HS6ST3: variants seen among roughly 807,000 people sequenced by gnomAD.
HS6ST3 encodes heparan sulfate 6-O-sulfotransferase 3, also known as heparan-sulfate 6-O-sulfotransferase 3.
HS6ST3 carries 12 observed loss-of-function variants against 36.7 expected under a neutral mutation model. That is an observed-to-expected ratio of 0.33 (90% CI 0.21 to 0.53). The LOEUF (loss-of-function observed/expected upper bound fraction) is 0.53. Among genes scored for constraint, HS6ST3 ranks in the 20% least tolerant of loss-of-function variants. The pLI is 0.95. For missense variants in HS6ST3, 584 were observed against 640.9 expected (o/e 0.91, Z 0.96); for synonymous variants, 240 against 257.5 (o/e 0.93, Z 0.65).
intron 1 of HS6ST3, among the ~76,000 whole-genome samples, chr13:96,277,802 T>C (rs1372594062): frequency 6.6e-6 from 1 of 152,150 alleles, no homozygotes; most frequent in African/African-American, 2.4e-5. Context: ...AATGAACAAA[T>C]TATTTTCTAT....
chr13:96,348,157 G>A (rs1361861171), intron 1 of HS6ST3, among the ~76,000 whole-genome samples: 2 of 152,198 alleles, frequency 1.3e-5, no homozygotes, highest in East Asian at 3.9e-4. Context: ...AAGAAAGAAA[G>A]CTAAGACTTT....
intron 1 of HS6ST3, among the ~76,000 whole-genome samples, chr13:96,818,076 A>G (rs1878459468): frequency 2.0e-5 from 3 of 152,036 alleles, no homozygotes; most frequent in Non-Finnish European, 4.4e-5. Context: ...GTTGAAAGCT[A>G]TTACCTCTGG....
At chr13:96,678,690 AC>A (rs1253983237) in intron 1 of HS6ST3, among the ~76,000 whole-genome samples, 1 of 151,998 alleles carries the variant, frequency 6.6e-6, no homozygotes, top group Non-Finnish European at 1.5e-5. Flanking sequence ...TAAAAAAAAA[AC>A]AAAACTAAAC....
At chr13:96,119,690 A>G (rs1380126680) in intron 1 of HS6ST3, among the ~76,000 whole-genome samples, 1 of 152,148 alleles carries the variant, frequency 6.6e-6, no homozygotes, top group East Asian at 1.9e-4. Context: ...TGTGAGCCAG[A>G]GGGCCTGGAG....
intron 1 of HS6ST3, among the ~76,000 whole-genome samples, chr13:96,118,686 ATATTTTTTTT>A (rs2053909793): frequency 2.2e-4 from 5 of 22,584 alleles, no homozygotes; most frequent in African/African-American, 7.6e-4. Flanking sequence ...ATATATATAT[ATATTTTTTTT>A]TTTTTTTTTT....
At chr13:96,302,107 G>A (rs367939027) in intron 1 of HS6ST3, among the ~76,000 whole-genome samples, 1 of 151,676 alleles carries the variant, frequency 6.6e-6, no homozygotes, top group Non-Finnish European at 1.5e-5. Context: ...ACTACTGGAG[G>A]TGTATCAATT....
chr13:96,386,994 C>G (rs934854359), intron 1 of HS6ST3, among the ~76,000 whole-genome samples: 4 of 152,026 alleles, frequency 2.6e-5, no homozygotes, highest in African/African-American at 9.7e-5. Context: ...GGTGGCATGA[C>G]CATGGCTCAC....
At chr13:96,689,045 C>A (rs888357912) in intron 1 of HS6ST3, among the ~76,000 whole-genome samples, 1 of 152,092 alleles carries the variant, frequency 6.6e-6, no homozygotes, top group South Asian at 2.1e-4. Context: ...TTGATTCACA[C>A]TTTATAGTCT....
intron 1 of HS6ST3, among the ~76,000 whole-genome samples, chr13:96,819,663 C>A (rs1226267966): frequency 1.3e-5 from 2 of 152,114 alleles, no homozygotes; most frequent in Non-Finnish European, 2.9e-5. Flanking sequence ...AGAACCAACA[C>A]GTGTATTTAA....
At chr13:96,578,423 G>A (rs1566402146) in intron 1 of HS6ST3, among the ~76,000 whole-genome samples, 1 of 152,190 alleles carries the variant, frequency 6.6e-6, no homozygotes, top group Non-Finnish European at 1.5e-5. Context: ...CACACTTGAC[G>A]AAGGCACTGA....
At chr13:96,811,531 C>A (rs998330212) in intron 1 of HS6ST3, among the ~76,000 whole-genome samples, 1 of 152,116 alleles carries the variant, frequency 6.6e-6, no homozygotes, top group Non-Finnish European at 1.5e-5. Context: ...GAAGCAAATG[C>A]ATTTATTACA....
At chr13:96,420,949 C>T (rs1331410027) in intron 1 of HS6ST3, among the ~76,000 whole-genome samples, 1 of 152,090 alleles carries the variant, frequency 6.6e-6, no homozygotes, top group African/African-American at 2.4e-5. Context: ...ACTCCATTAC[C>T]ACCTTTCATG....
chr13:96,390,302 T>G (rs2139451196), intron 1 of HS6ST3, among the ~76,000 whole-genome samples: 1 of 152,316 alleles, frequency 6.6e-6, no homozygotes, highest in Non-Finnish European at 1.5e-5. Flanking sequence ...GATCTGAATG[T>G]TTTTCTCCCC....
intron 1 of HS6ST3, among the ~76,000 whole-genome samples, chr13:96,491,879 T>A (rs922025547): frequency 6.6e-6 from 1 of 152,130 alleles, no homozygotes; most frequent in Non-Finnish European, 1.5e-5. Flanking sequence ...ACTTTTTCAC[T>A]TTTTAATTAT....
At chr13:96,454,561 C>T (rs1337525225) in intron 1 of HS6ST3, among the ~76,000 whole-genome samples, 2 of 152,074 alleles carry the variant, frequency 1.3e-5, no homozygotes, top group Non-Finnish European at 2.9e-5. Flanking sequence ...ACACTAAAAT[C>T]TGCTCATGTG....
At chr13:96,145,971 T>C (rs1037482155) in intron 1 of HS6ST3, among the ~76,000 whole-genome samples, 6 of 152,148 alleles carry the variant, frequency 3.9e-5, no homozygotes, top group African/African-American at 7.2e-5. Context: ...TGTAGATACG[T>C]GGCATTATTT....
At chr13:96,491,933 A>C (rs2055948001) in intron 1 of HS6ST3, among the ~76,000 whole-genome samples, 1 of 152,124 alleles carries the variant, frequency 6.6e-6, no homozygotes, top group African/African-American at 2.4e-5. Flanking sequence ...GTCTCAACCC[A>C]AATTTTGTTA....
intron 1 of HS6ST3, among the ~76,000 whole-genome samples, chr13:96,693,603 G>A (rs944235685): frequency 1.5e-4 from 23 of 152,002 alleles, no homozygotes; most frequent in African/African-American, 5.6e-4. Context: ...ATGACCAGCC[G>A]GCCAGATTCT....
intron 1 of HS6ST3, among the ~76,000 whole-genome samples, chr13:96,547,075 A>T (rs1307576685): frequency 6.6e-6 from 1 of 152,164 alleles, no homozygotes; most frequent in African/African-American, 2.4e-5. Context: ...TGGTTCCATT[A>T]CCCCTGGCAA....
Sources: gnomAD v4.1 joint callset for allele counts (sites outside exome capture counted in the v4.1 genomes callset) on GRCh38, gnomAD v4.1.1 for gene constraint, MANE v1.5 for transcripts, NCBI Gene and HGNC (gene_info 2026-07-23, HGNC 2026-07-21) for gene names.